STX18: variants seen among roughly 807,000 people sequenced by gnomAD.
STX18 encodes syntaxin-18.
A neutral mutation model predicts 50.1 loss-of-function variants in STX18; 40 were observed. The observed-to-expected ratio is 0.80, with a 90% CI of 0.62 to 1.04. STX18 has a LOEUF of 1.04. STX18 is among the 50% of genes least tolerant of loss of function. The pLI is 0.00. For synonymous variants in STX18, 158 were observed against 151.8 expected (o/e 1.04, Z -0.30); for missense variants, 410 against 415.8 (o/e 0.99, Z 0.12).
intron 5 of STX18, among the ~76,000 whole-genome samples, chr4:4,447,211 C>T (rs371164358): frequency 2.6e-5 from 4 of 152,166 alleles, no homozygotes; most frequent in Non-Finnish European, 5.9e-5. Flanking sequence ...TGACAAGATA[C>T]TCATCTGCCA....
At chr4:4,495,952 T>G (rs867243736) in intron 1 of STX18, among the ~76,000 whole-genome samples, 11 of 152,198 alleles carry the variant, frequency 7.2e-5, no homozygotes, top group African/African-American at 2.4e-4. Flanking sequence ...GGAAGGTGAA[T>G]AAGAGCATCT....
Position 4,425,206 on chromosome 4 carries a change from T to A in STX18, c.719A>T (p.Gln240Leu). The change falls in exon 8 of 11, where the codon CAG becomes CTG. Residue 240 changes from glutamine (Q) to leucine (L), a missense_variant. Transcript: ENST00000306200. ...EEIQMFEQENQRLIGEMNSLF... is the reference protein window; with the variant it reads ...EEIQMFEQENLRLIGEMNSLF... Reference sequence around the variant, plus strand: ...GCTGTTCATTTCACCAATTAGTCGCTGATTTTCCTGTTCAAACTGTGAGGA... The same window carrying A: ...GCTGTTCATTTCACCAATTAGTCGCAGATTTTCCTGTTCAAACTGTGAGGA... 6.2e-6 allele frequency: 10 copies of A among 1,614,166 alleles called. No homozygotes were observed. The highest frequency in any genetic ancestry group is 8.5e-6 in the Non-Finnish European group (10 of 1,179,980).
intron 5 of STX18, among the ~76,000 whole-genome samples, chr4:4,456,328 G>A (rs537386124): frequency 6.6e-6 from 1 of 152,276 alleles, no homozygotes; most frequent in South Asian, 2.1e-4. Flanking sequence ...GTTATCTTCT[G>A]AAAGAACATC....
chr4:4,438,640 G>T (rs1041744305), intron 5 of STX18, 131 bp from the exon 6 acceptor site: 1 of 674,968 alleles, frequency 1.5e-6, no homozygotes, highest in Non-Finnish European at 2.5e-6. Flanking sequence ...CACTGCCTCT[G>T]GGCCCAGTGG....
intron 7 of STX18, among the ~76,000 whole-genome samples, chr4:4,433,854 C>G (rs1725645314): frequency 6.6e-6 from 1 of 152,216 alleles, no homozygotes; most frequent in Non-Finnish European, 1.5e-5. Context: ...ACAGAGCTGT[C>G]TTCATGCTCC....
intron 1 of STX18, among the ~76,000 whole-genome samples, chr4:4,482,401 C>T (rs1194009881): frequency 6.6e-6 from 1 of 152,252 alleles, no homozygotes; most frequent in Non-Finnish European, 1.5e-5. Context: ...CAGCCACTCA[C>T]ACCCTCTGGC....
chr4:4,444,834 T>C (rs4569705), intron 5 of STX18, among the ~76,000 whole-genome samples: 47,184 of 150,028 alleles, frequency 0.31, 9,247 homozygotes, highest in African/African-American at 0.59. Context: ...AACAAACAAA[T>C]AAACAAACAT....
At chr4:4,449,236 G>A (rs1438773537) in intron 5 of STX18, among the ~76,000 whole-genome samples, 1 of 151,554 alleles carries the variant, frequency 6.6e-6, no homozygotes, top group African/African-American at 2.4e-5. Context: ...TTGTAGAGAT[G>A]GGATCTCACT....
intron 7 of STX18, among the ~76,000 whole-genome samples, chr4:4,432,490 AG>A (rs1725566919): frequency 1.3e-5 from 2 of 152,188 alleles, no homozygotes; most frequent in African/African-American, 4.8e-5. Context: ...TCAAGGGTAA[AG>A]GAAGGGGAAA....
chr4:4,478,518 T>C (rs1728306861), intron 1 of STX18: 2 of 152,166 alleles, frequency 1.3e-5, no homozygotes, highest in African/African-American at 4.8e-5. Context: ...TTCATCTATA[T>C]TCAGTTTTTA....
At chr4:4,524,519 A>G (rs553897672) in intron 1 of STX18, among the ~76,000 whole-genome samples, 2 of 152,362 alleles carry the variant, frequency 1.3e-5, no homozygotes, top group South Asian at 4.1e-4. Flanking sequence ...CCAGTCAAGC[A>G]AAGAGCCTCT....
chr4:4,527,759 A>T lies in STX18; in HGVS notation c.168+14038T>A, dbSNP rs186156710. ...CTGTAATGCTGAGCCTAAGGAAGAAAGATAGAGAAAAAAATTATATATATA... is the reference window on the plus strand; with the variant it reads ...CTGTAATGCTGAGCCTAAGGAAGAATGATAGAGAAAAAAATTATATATATA... On this transcript the variant is annotated intron_variant, in intron 1 of 10. Transcript: ENST00000306200. Among the ~76,000 whole-genome samples, 188 of 108,322 alleles carry T rather than the reference A, an allele frequency of 1.7e-3. 1 individual carries two copies. Among genetic ancestry groups the T allele is most frequent in the Non-Finnish European group, 2.7e-3 (122 of 45,382 alleles). 71.1% of individuals were successfully genotyped at this position (108,322 alleles called of 152,430 possible). A position where few individuals can be genotyped will look rare whatever the true frequency, so the allele number is the denominator to read the frequency against.
At chr4:4,499,860 C>T (rs1030657560) in intron 1 of STX18, among the ~76,000 whole-genome samples, 2 of 142,572 alleles carry the variant, frequency 1.4e-5, no homozygotes, top group Non-Finnish European at 3.1e-5. Context: ...CTTTTCAAAT[C>T]GACTTTTTTT....
chr4:4,438,590 C>T (rs1725917436), intron 5 of STX18, 81 bp from the exon 6 acceptor site: 1 of 1,180,614 alleles, frequency 8.5e-7, no homozygotes, highest in Non-Finnish European at 1.2e-6. Flanking sequence ...TCACATGTGA[C>T]CCTGCGCTTT....
chr4:4,461,240 T>C (rs73086264), intron 2 of STX18, among the ~76,000 whole-genome samples: 2,467 of 152,244 alleles, frequency 0.016, 65 homozygotes, highest in African/African-American at 0.056. Context: ...AAATTGAAAA[T>C]TGACAGTATG....
At chr4:4,450,596 A>C (rs1304331468) in intron 5 of STX18, among the ~76,000 whole-genome samples, 1 of 152,124 alleles carries the variant, frequency 6.6e-6, no homozygotes, top group Non-Finnish European at 1.5e-5. Flanking sequence ...GAGCCACTAC[A>C]TCCAGCCTCC....
At chr4:4,507,323 C>G (rs1233418769) in intron 1 of STX18, 12 of 736,046 alleles carry the variant, frequency 1.6e-5, no homozygotes, top group Non-Finnish European at 2.6e-5. Flanking sequence ...GCTCAGCTCA[C>G]AGAGCTGAAT....
At chr4:4,506,536 G>T (rs1033971474) in intron 1 of STX18, among the ~76,000 whole-genome samples, 2 of 152,186 alleles carry the variant, frequency 1.3e-5, no homozygotes, top group Non-Finnish European at 2.9e-5. Flanking sequence ...ACCACAAACG[G>T]ACAGCATGGG....
intron 7 of STX18, among the ~76,000 whole-genome samples, chr4:4,429,253 AATATCATT>A (rs1167731250): frequency 6.6e-6 from 1 of 152,228 alleles, no homozygotes; most frequent in African/African-American, 2.4e-5. Context: ...CGCATTAGAC[AATATCATT>A]ATTCAACTGC....
Sources: allele counts gnomAD v4.1 joint callset (sites outside exome capture counted in the v4.1 genomes callset), GRCh38; gene constraint gnomAD v4.1.1; transcripts MANE v1.5; gene names NCBI Gene and HGNC (gene_info 2026-07-23, HGNC 2026-07-21).